The following OR52I2 variants were observed in gnomAD, a reference collection of about 807,000 sequenced individuals.
The protein encoded by OR52I2 is olfactory receptor 52I2.
For missense variants in OR52I2, 350 were observed against 402.4 expected, an observed-to-expected ratio of 0.87 and a Z score of 1.11; for synonymous variants, 147 against 151.9, an observed-to-expected ratio of 0.97 and a Z score of 0.24.
chr11:4,586,799 T>C, intron 1 of OR52I2, 73 bp from the exon 2 acceptor site: 1 of 1,607,146 alleles, frequency 6.2e-7, no homozygotes, highest in East Asian at 2.2e-5. Flanking sequence ...ATCCTTAGGT[T>C]TTCCCAGCAC....
intron 1 of OR52I2, among the ~76,000 whole-genome samples, chr11:4,582,832 T>C (rs1163566502): frequency 6.6e-6 from 1 of 152,190 alleles, no homozygotes; most frequent in East Asian, 1.9e-4. Context: ...GCTAGAAATA[T>C]GTCTTAGGAG....
At chr11:4,587,912 A>G (rs1846321215) in exon 2 of OR52I2, 2 of 1,480,528 alleles carry the variant, frequency 1.4e-6, no homozygotes, top group East Asian at 2.3e-5. Flanking sequence ...TGCCTTAGAG[A>G]TCTGCAGAGC....
exon 2 of OR52I2, chr11:4,589,949 AC>A (rs1846338739): frequency 2.6e-5 from 4 of 152,158 alleles, no homozygotes; most frequent in Admixed American, 2.0e-4. Context: ...AAATTAAGGG[AC>A]TTTTCTGTGC....
At chr11:4,591,379 G>A (rs2133190159) in exon 2 of OR52I2, 2 of 152,306 alleles carry the variant, frequency 1.3e-5, no homozygotes, top group East Asian at 3.9e-4. Flanking sequence ...GGCTGGTCTT[G>A]AGGCTTGGCA....
chr11:4,587,178 C>T, exon 2 of OR52I2: 2 of 1,614,174 alleles, frequency 1.2e-6, no homozygotes, highest in Non-Finnish European at 1.7e-6. Flanking sequence ...ACAGCTCAAT[C>T]AGCTTTAGTG....
rs754966918 is a variant in OR52I2, at chr11:4,587,971, A to C, written c.*106A>C. 1.6e-5 allele frequency: 15 copies of C among 914,986 alleles called. 1 individual carries two copies. Among genetic ancestry groups the C allele is most frequent in the Middle Eastern group, 4.5e-4 (2 of 4,472 alleles). The allele number at this position is 914,986 out of a possible 1,614,324, so 56.7% of individuals were successfully genotyped here. On this transcript the variant is annotated 3_prime_UTR_variant, in exon 2 of 2. Coordinates refer to ENST00000641896, the Ensembl canonical transcript of OR52I2. ...ATTCTAAGATGAAGGTGTAAAGGATATCCTTGCATAACTTTTCAATTACTA... is the reference window on the plus strand; with the variant it reads ...ATTCTAAGATGAAGGTGTAAAGGATCTCCTTGCATAACTTTTCAATTACTA...
chr11:4,589,222 G>GC (rs2133189009), exon 2 of OR52I2: 1 of 152,412 alleles, frequency 6.6e-6, no homozygotes, highest in East Asian at 1.9e-4. Flanking sequence ...CAGGGACAAG[G>GC]CAGGATGATT....
At chr11:4,582,433 C>CTTTTTTTTTTTTTTTTTTTTTT (rs1564859030) in intron 1 of OR52I2, among the ~76,000 whole-genome samples, 1 of 74,664 alleles carries the variant, frequency 1.3e-5, no homozygotes, top group Non-Finnish European at 2.6e-5. Flanking sequence ...ATTTATTTTT[C>CTTTTTTTTTTTTTTTTTTTTTT]ATTTTTTTTT....
intron 1 of OR52I2, among the ~76,000 whole-genome samples, chr11:4,583,653 C>A (rs1444417179): frequency 1.3e-5 from 2 of 152,206 alleles, no homozygotes; most frequent in Admixed American, 6.5e-5. Context: ...TTACAGTGAG[C>A]TCCTATAAAC....
exon 2 of OR52I2, chr11:4,588,105 T>A (rs1846322689): frequency 5.7e-6 from 3 of 521,750 alleles, no homozygotes; most frequent in Non-Finnish European, 6.8e-6. Flanking sequence ...CACATTTGAT[T>A]GAACTTATGT....
At chr11:4,586,817 G>A (rs748142759) in intron 1 of OR52I2, 55 bp from the exon 2 acceptor site, 1 of 1,612,396 alleles carries the variant, frequency 6.2e-7, no homozygotes, top group Non-Finnish European at 8.5e-7. Context: ...CACCACATGT[G>A]TCAACAAATC....
chr11:4,591,858 A>T (rs1349288754), exon 2 of OR52I2: 5 of 152,210 alleles, frequency 3.3e-5, no homozygotes. Flanking sequence ...GAAGAAAAAA[A>T]AATAGCAACA....
At chr11:4,586,527 T>C (rs1239747068) in intron 1 of OR52I2, among the ~76,000 whole-genome samples, 1 of 152,100 alleles carries the variant, frequency 6.6e-6, no homozygotes, top group Non-Finnish European at 1.5e-5. Flanking sequence ...ATGCACACAA[T>C]AAAGTCTAGG....
chr11:4,591,144 C>A (rs1479795743), exon 2 of OR52I2: 1 of 152,132 alleles, frequency 6.6e-6, no homozygotes, highest in Non-Finnish European at 1.5e-5. Context: ...CTGACGAATG[C>A]TCACCTAATG....
At chr11:4,585,349 A>C (rs1846291708) in intron 1 of OR52I2, among the ~76,000 whole-genome samples, 1 of 152,200 alleles carries the variant, frequency 6.6e-6, no homozygotes, top group Non-Finnish European at 1.5e-5. Flanking sequence ...TTACCACCAG[A>C]AGAGGCAGCG....
chr11:4,587,713 T>C (rs1846318554), exon 2 of OR52I2: 1 of 1,614,170 alleles, frequency 6.2e-7, no homozygotes, highest in Non-Finnish European at 8.5e-7. Context: ...TGTAGTGCCC[T>C]TGCACACCCA....
intron 1 of OR52I2, 40 bp from the exon 2 acceptor site, chr11:4,586,832 G>A (rs746820900): frequency 5.6e-6 from 9 of 1,613,184 alleles, no homozygotes; most frequent in East Asian, 2.2e-5. Context: ...CAAATCTTAC[G>A]GGATTGCATT....
At chr11:4,591,713 C>T (rs754366092) in exon 2 of OR52I2, 5 of 152,180 alleles carry the variant, frequency 3.3e-5, no homozygotes, top group Non-Finnish European at 5.9e-5. Context: ...TTCATACCCA[C>T]CTCCACTCTA....
intron 1 of OR52I2, among the ~76,000 whole-genome samples, chr11:4,585,878 C>T (rs559043509): frequency 3.3e-5 from 5 of 152,300 alleles, no homozygotes; most frequent in African/African-American, 1.2e-4. Context: ...AAGGAATACA[C>T]TCAGACTATG....
Sources: allele counts gnomAD v4.1 joint callset (sites outside exome capture counted in the v4.1 genomes callset), GRCh38; gene constraint gnomAD v4.1.1; transcripts MANE v1.5; gene names NCBI Gene and HGNC (gene_info 2026-07-23, HGNC 2026-07-21).